Variants in GALNT17 observed in about 807,000 individuals in gnomAD.
GALNT17 encodes polypeptide N-acetylgalactosaminyltransferase 17, also known as UDP-GalNAc:polypeptide N-acetylgalactosaminyltransferase-like 3.
GALNT17 carries 29 observed loss-of-function variants against 63.7 expected under a neutral mutation model. The observed-to-expected ratio is 0.46, with a 90% CI of 0.34 to 0.62. GALNT17 has a LOEUF of 0.62. Among genes scored for constraint, GALNT17 ranks in the 20% least tolerant of loss-of-function variants. The pLI is 0.01. For synonymous variants in GALNT17, 305 were observed against 318.3 expected, an observed-to-expected ratio of 0.96 and a Z score of 0.45; for missense variants, 603 against 799.6, an observed-to-expected ratio of 0.75 and a Z score of 2.97.
chr7:71,531,772 A>T (rs2116781783), intron 5 of GALNT17, among the ~76,000 whole-genome samples: 1 of 152,270 alleles, frequency 6.6e-6, no homozygotes, highest in East Asian at 1.9e-4. Flanking sequence ...TTTCTTAAAG[A>T]TAGTAGATCA....
chr7:71,135,093 C>T (rs574124233), intron 1 of GALNT17, among the ~76,000 whole-genome samples: 2 of 152,190 alleles, frequency 1.3e-5, no homozygotes, highest in South Asian at 2.1e-4. Flanking sequence ...TTCAAGCAAT[C>T]CTCCTGCCTG....
chr7:71,184,196 G>A (rs992886714), intron 1 of GALNT17, among the ~76,000 whole-genome samples: 6 of 152,164 alleles, frequency 3.9e-5, no homozygotes, highest in African/African-American at 9.7e-5. Flanking sequence ...AATCAACCCC[G>A]CTGACACCTT....
rs565154271 is a variant in GALNT17, at chr7:71,199,530, C to T, written c.238+66490C>T. On this transcript the variant is annotated intron_variant, in intron 1 of 10. Coordinates refer to ENST00000333538, the MANE Select transcript of GALNT17 (RefSeq NM_022479.3). ...CCACTAACCCCATCCATTCATCCAT[C>T]CATCCATCCATCCATCCATCCATCC... Among the ~76,000 whole-genome samples, 129 of 135,728 alleles carry T rather than the reference C, an allele frequency of 9.5e-4. 1 individual carries two copies. The highest frequency in any genetic ancestry group is 3.4e-3 in the African/African-American group (119 of 35,452). The allele number at this position is 135,728 out of a possible 152,430, so 89.0% of individuals were successfully genotyped here. A position where few individuals can be genotyped will look rare whatever the true frequency, so the allele number is the denominator to read the frequency against.
chr7:71,399,858 T>TA (rs1026166017), intron 3 of GALNT17, among the ~76,000 whole-genome samples: 1 of 152,144 alleles, frequency 6.6e-6, no homozygotes, highest in Non-Finnish European at 1.5e-5. Flanking sequence ...AGTGTGCATT[T>TA]AAAAAAATAG....
intron 5 of GALNT17, among the ~76,000 whole-genome samples, chr7:71,559,597 CA>C (rs1273504975): frequency 6.6e-6 from 1 of 152,126 alleles, no homozygotes; most frequent in African/African-American, 2.4e-5. Flanking sequence ...CGCAGTGGCT[CA>C]CAGCTTTAAT....
chr7:71,393,260 ATTG>A (rs1361054762), intron 3 of GALNT17, among the ~76,000 whole-genome samples: 4 of 152,028 alleles, frequency 2.6e-5, no homozygotes, highest in African/African-American at 4.8e-5. Context: ...TTACATTAAT[ATTG>A]TTGTTCCTGC....
chr7:71,612,224 G>A (rs937400342), intron 6 of GALNT17, among the ~76,000 whole-genome samples: 3 of 152,090 alleles, frequency 2.0e-5, no homozygotes, highest in Non-Finnish European at 2.9e-5. Context: ...ACATTGACCC[G>A]AATGCTTTGG....
chr7:71,601,451 A>G (rs73187125), intron 6 of GALNT17, among the ~76,000 whole-genome samples: 5,007 of 152,176 alleles, frequency 0.033, 107 homozygotes, highest in Non-Finnish European at 0.049. Flanking sequence ...GGACGGAGAC[A>G]GAGCTGGGAA....
At chr7:71,376,183 T>C (rs1792720375) in intron 2 of GALNT17, among the ~76,000 whole-genome samples, 1 of 152,128 alleles carries the variant, frequency 6.6e-6, no homozygotes, top group Admixed American at 6.6e-5. Flanking sequence ...TTGCATTATT[T>C]CCTGATGTAT....
intron 1 of GALNT17, among the ~76,000 whole-genome samples, chr7:71,231,365 T>A (rs1789784854): frequency 6.6e-6 from 1 of 152,064 alleles, no homozygotes; most frequent in Admixed American, 6.6e-5. Flanking sequence ...AGATATAGGA[T>A]GGGCTCAGGA....
intron 6 of GALNT17, among the ~76,000 whole-genome samples, chr7:71,635,816 C>T (rs565806690): frequency 4.2e-4 from 64 of 152,286 alleles, no homozygotes; most frequent in African/African-American, 1.3e-3. Flanking sequence ...AACTTCCTGA[C>T]GTTGCCATGG....
chr7:71,634,188 C>T (rs1289514916), intron 6 of GALNT17, among the ~76,000 whole-genome samples: 1 of 152,122 alleles, frequency 6.6e-6, no homozygotes, highest in East Asian at 1.9e-4. Context: ...TGTCCATGTG[C>T]AATTGGTAGA....
At chr7:71,480,753 C>T (rs556140160) in intron 5 of GALNT17, among the ~76,000 whole-genome samples, 431 of 152,298 alleles carry the variant, frequency 2.8e-3, no homozygotes, top group Non-Finnish European at 5.5e-3. Context: ...GTGATCCACC[C>T]ACCTGGGCCT....
intron 1 of GALNT17, among the ~76,000 whole-genome samples, chr7:71,153,229 C>T (rs185370311): frequency 2.6e-5 from 4 of 152,286 alleles, no homozygotes; most frequent in Admixed American, 1.3e-4. Flanking sequence ...TCAGTTTACT[C>T]ATCTGGAAAA....
Position 71,329,257 on chromosome 7 carries a change from A to G in GALNT17, c.239-6293A>G, listed in dbSNP as rs181614910. Among the ~76,000 whole-genome samples the G allele has an allele frequency of 4.2e-3, 642 of 152,226 alleles. 4 individuals are homozygous for G. The highest frequency in any genetic ancestry group is 0.01 in the Middle Eastern group (3 of 294). On this transcript the variant is annotated intron_variant, in intron 1 of 10. Coordinates refer to ENST00000333538, the MANE Select transcript of GALNT17 (RefSeq NM_022479.3). The stretch of plus-strand genomic sequence containing the variant: ...GTGTGGCTTGTGAGGGGAAGTTAGC[A>G]AGTACTGGGGAAGGGAAAGGGAAAA...
intron 1 of GALNT17, among the ~76,000 whole-genome samples, chr7:71,313,347 G>A (rs1034423136): frequency 1.4e-4 from 21 of 152,138 alleles, no homozygotes; most frequent in Admixed American, 1.4e-3. Flanking sequence ...TTCCAGGAAG[G>A]CAAGGCTGCA....
At chr7:71,220,967 A>G (rs1258161885) in intron 1 of GALNT17, among the ~76,000 whole-genome samples, 9 of 152,204 alleles carry the variant, frequency 5.9e-5, no homozygotes, top group African/African-American at 2.2e-4. Context: ...CTCTAGGGCT[A>G]TTCAGTTTTC....
intron 2 of GALNT17, among the ~76,000 whole-genome samples, chr7:71,372,162 A>G (rs1467520137): frequency 1.3e-5 from 2 of 151,312 alleles, no homozygotes; most frequent in Admixed American, 6.6e-5. Context: ...ATTCTTTTCT[A>G]TTTTTTTATT....
Position 71,499,581 on chromosome 7 carries a change from G to A in GALNT17, c.963-71704G>A, listed in dbSNP as rs557868438. Among the ~76,000 whole-genome samples, 91 of 152,270 alleles carry A rather than the reference G, an allele frequency of 6.0e-4. 1 individual carries two copies. In the Middle Eastern group the frequency reaches 0.01, roughly 17 times the overall value. On this transcript the variant is annotated intron_variant, in intron 5 of 10. Coordinates refer to ENST00000333538, the MANE Select transcript of GALNT17 (RefSeq NM_022479.3). Reference sequence around the variant, plus strand: ...TAATGATACGATTGTTTTATAATGAGTGCTCCAAAGATTCCAGGGAAATGC... The same window carrying A: ...TAATGATACGATTGTTTTATAATGAATGCTCCAAAGATTCCAGGGAAATGC...
Sources: allele counts gnomAD v4.1 joint callset (sites outside exome capture counted in the v4.1 genomes callset), GRCh38; gene constraint gnomAD v4.1.1; transcripts MANE v1.5; gene names NCBI Gene and HGNC (gene_info 2026-07-23, HGNC 2026-07-21).